DSCAM: variants seen among roughly 807,000 people sequenced by gnomAD.
DSCAM encodes cell adhesion molecule DSCAM.
In DSCAM, 47 loss-of-function variants were observed where a neutral mutation model predicts 217.7. That is an observed-to-expected ratio of 0.22 (90% CI 0.17 to 0.28). The LOEUF is 0.28. Among genes scored for constraint, DSCAM ranks in the 10% least tolerant of loss-of-function variants. The pLI, the probability that DSCAM is intolerant of heterozygous loss-of-function variation, is 1.00. For synonymous variants in DSCAM, 1,056 were observed against 1,015.3 expected, an observed-to-expected ratio of 1.04 and a Z score of -0.76; for missense variants, 2,080 against 2,618.3, an observed-to-expected ratio of 0.79 and a Z score of 4.49.
At chr21:40,124,054 T>G (rs184788280) in intron 20 of DSCAM, 141 bp downstream of exon 20, 13 of 1,108,318 alleles carry the variant, frequency 1.2e-5, no homozygotes, top group Non-Finnish European at 1.7e-5. Context: ...TTGTTTTGTA[T>G]GTGGAGACAG....
chr21:40,677,710 G>A (rs1345574210), intron 3 of DSCAM, among the ~76,000 whole-genome samples: 2 of 152,118 alleles, frequency 1.3e-5, no homozygotes, highest in African/African-American at 4.8e-5. Context: ...TGATTAGGTC[G>A]TGAGGGTGGA....
intron 1 of DSCAM, among the ~76,000 whole-genome samples, chr21:40,752,420 G>A (rs1023537089): frequency 1.3e-5 from 2 of 152,208 alleles, no homozygotes; most frequent in Non-Finnish European, 2.9e-5. Context: ...CACGTTTAAT[G>A]CTTTTCCTTG....
At chr21:40,467,719 TA>T (rs1008387048) in intron 3 of DSCAM, among the ~76,000 whole-genome samples, 7 of 152,062 alleles carry the variant, frequency 4.6e-5, no homozygotes, top group East Asian at 1.9e-4. Flanking sequence ...AAGAATTGAT[TA>T]AAAAATACAC....
chr21:40,072,178 C>A (rs910901838), intron 27 of DSCAM, among the ~76,000 whole-genome samples: 2 of 152,112 alleles, frequency 1.3e-5, no homozygotes, highest in African/African-American at 2.4e-5. Context: ...GGTCAACCAG[C>A]AAATGTTACC....
At chr21:40,115,668 G>A (rs932260469) in intron 20 of DSCAM, among the ~76,000 whole-genome samples, 1 of 152,184 alleles carries the variant, frequency 6.6e-6, no homozygotes, top group African/African-American at 2.4e-5. Context: ...TGCTGGTGAG[G>A]TTGTGGAGAA....
At chr21:40,610,359 G>C (rs1044383724) in intron 3 of DSCAM, among the ~76,000 whole-genome samples, 2 of 152,164 alleles carry the variant, frequency 1.3e-5, no homozygotes, top group Admixed American at 6.5e-5. Context: ...TCAGCAAACT[G>C]AGCAAACTAG....
intron 8 of DSCAM, among the ~76,000 whole-genome samples, chr21:40,320,574 A>C (rs1269343838): frequency 6.6e-6 from 1 of 152,238 alleles, no homozygotes; most frequent in Non-Finnish European, 1.5e-5. Flanking sequence ...AAGACTGGGC[A>C]ATTTACAAAA....
At chr21:40,817,196 C>A (rs1448686954) in intron 1 of DSCAM, among the ~76,000 whole-genome samples, 1 of 151,846 alleles carries the variant, frequency 6.6e-6, no homozygotes, top group Admixed American at 6.6e-5. Flanking sequence ...TTTGACAGCT[C>A]CGGCTTCCCC....
chr21:40,761,294 T>C (rs1002793854), intron 1 of DSCAM, among the ~76,000 whole-genome samples: 4 of 152,194 alleles, frequency 2.6e-5, no homozygotes, highest in Non-Finnish European at 5.9e-5. Context: ...TGTTTCCTTA[T>C]CTTTTCTAGC....
At chr21:40,795,784 A>G (rs73224272) in intron 1 of DSCAM, among the ~76,000 whole-genome samples, 112 of 152,320 alleles carry the variant, frequency 7.4e-4, no homozygotes, top group Non-Finnish European at 1.3e-3. Context: ...TTTGGAAATA[A>G]CTGATTGTGT....
intron 18 of DSCAM, among the ~76,000 whole-genome samples, chr21:40,135,447 C>T (rs753839925): frequency 6.6e-6 from 1 of 152,306 alleles, no homozygotes; most frequent in East Asian, 1.9e-4. Flanking sequence ...ACAAGGAAGT[C>T]GAGGGACAGA....
chr21:40,035,747 T>C (rs1463574947), intron 32 of DSCAM, among the ~76,000 whole-genome samples: 1 of 150,268 alleles, frequency 6.7e-6, no homozygotes, highest in Non-Finnish European at 1.5e-5. Context: ...TATTCCAAAA[T>C]TGACCACATA....
At chr21:40,466,166 A>C (rs867011192) in intron 3 of DSCAM, among the ~76,000 whole-genome samples, 1 of 152,210 alleles carries the variant, frequency 6.6e-6, no homozygotes, top group Non-Finnish European at 1.5e-5. Flanking sequence ...TGGAGATCAG[A>C]AGCCATCTCT....
intron 3 of DSCAM, among the ~76,000 whole-genome samples, chr21:40,452,268 AGGTAT>A (rs1412758428): frequency 2.1e-3 from 322 of 151,454 alleles, no homozygotes; most frequent in Middle Eastern, 6.8e-3. Flanking sequence ...ACACACACAC[AGGTAT>A]CCTGGAGGTA....
chr21:40,150,581 C>G (rs989312051), intron 16 of DSCAM, among the ~76,000 whole-genome samples: 5 of 152,154 alleles, frequency 3.3e-5, no homozygotes, highest in Non-Finnish European at 5.9e-5. Context: ...GAAAATGACA[C>G]TAGAGGCTCA....
At chr21:40,211,473 A>T (rs1290166913) in intron 11 of DSCAM, among the ~76,000 whole-genome samples, 1 of 152,242 alleles carries the variant, frequency 6.6e-6, no homozygotes. Context: ...AGTTTTCCAG[A>T]ATGTCTGCAC....
At chr21:40,739,593 C>G (rs749385813) in intron 1 of DSCAM, among the ~76,000 whole-genome samples, 7 of 152,130 alleles carry the variant, frequency 4.6e-5, no homozygotes, top group Non-Finnish European at 1.0e-4. Flanking sequence ...GCATTAGAGC[C>G]AAACTTAATG....
intron 1 of DSCAM, among the ~76,000 whole-genome samples, chr21:40,833,137 A>C (rs1337275521): frequency 6.6e-6 from 1 of 152,150 alleles, no homozygotes; most frequent in African/African-American, 2.4e-5. Context: ...AACAGCGAAA[A>C]GTCTCTCAGA....
intron 3 of DSCAM, among the ~76,000 whole-genome samples, chr21:40,500,459 C>T (rs1306114684): frequency 6.6e-6 from 1 of 152,206 alleles, no homozygotes; most frequent in Admixed American, 6.5e-5. Context: ...AAGTGACCAG[C>T]AAGACCTCAC....
Sources: gnomAD v4.1 joint callset for allele counts (sites outside exome capture counted in the v4.1 genomes callset) on GRCh38, gnomAD v4.1.1 for gene constraint, MANE v1.5 for transcripts, NCBI Gene and HGNC (gene_info 2026-07-23, HGNC 2026-07-21) for gene names.